The following MAPRE3 variants were observed in gnomAD, a reference collection of about 807,000 sequenced individuals.
MAPRE3 encodes the protein microtubule associated protein RP/EB family member 3, also known as microtubule-associated protein RP/EB family member 3.
A neutral mutation model predicts 30.5 loss-of-function variants in MAPRE3; 2 were observed. That is an observed-to-expected ratio of 0.07 (90% CI 0.03 to 0.21). The LOEUF is 0.21. MAPRE3 is among the 10% of genes least tolerant of loss of function. The probability of loss-of-function intolerance (pLI) is 1.00; values close to 1 mark genes in which losing one functional copy is unlikely to be tolerated. For synonymous variants in MAPRE3, 110 were observed against 127.7 expected (o/e 0.86, Z 0.93); for missense variants, 204 against 351.8 (o/e 0.58, Z 3.36).
chr2:27,007,772 C>T (rs898476626), intron 1 of MAPRE3, among the ~76,000 whole-genome samples: 3 of 152,110 alleles, frequency 2.0e-5, no homozygotes, highest in African/African-American at 7.2e-5. Context: ...CTATTTTGAT[C>T]TAAAGGAATA....
intron 1 of MAPRE3, among the ~76,000 whole-genome samples, chr2:26,984,528 G>A (rs2148200701): frequency 6.6e-6 from 1 of 152,312 alleles, no homozygotes; most frequent in South Asian, 2.1e-4. Context: ...GTGGCACCAG[G>A]GGGTGGTTTG....
intron 1 of MAPRE3, among the ~76,000 whole-genome samples, chr2:26,972,205 G>T (rs187508076): frequency 6.7e-4 from 102 of 152,278 alleles, no homozygotes; most frequent in South Asian, 5.4e-3. Context: ...CGCACAAGAG[G>T]CTTTGGGATT....
rs1189997691 is a variant in MAPRE3 at position 26,986,753 on chromosome 2, C to G, written c.-8+15951C>G. The G allele has an allele frequency of 6.6e-6, 1 of 152,222 alleles. No homozygotes were observed. Among genetic ancestry groups the G allele is most frequent in the African/African-American group, 2.4e-5 (1 of 41,408 alleles). The allele number at this position is 152,222 out of a possible 1,614,324, so 9.4% of individuals were successfully genotyped here. On this transcript the variant is annotated intron_variant, in intron 1 of 6. Coordinates refer to ENST00000233121, the MANE Select transcript of MAPRE3 (RefSeq NM_012326.4). This position sits in a 1 kb window ranked among gnomAD's most constrained non-coding sequence, Gnocchi z 4.2. ...CAGCCATCAATCATAGCACTGGTGC[C>G]TGTGGAGACACCGGCCACTGGAGAA...
chr2:27,003,730 A>G (rs569515565), intron 1 of MAPRE3, among the ~76,000 whole-genome samples: 53 of 152,296 alleles, frequency 3.5e-4, no homozygotes, highest in East Asian at 7.7e-4. Flanking sequence ...TATGGCATCC[A>G]CAAAATCAGT....
intron 2 of MAPRE3, among the ~76,000 whole-genome samples, chr2:27,023,126 C>T (rs1667146083): frequency 6.6e-6 from 1 of 152,212 alleles, no homozygotes; most frequent in Non-Finnish European, 1.5e-5. Flanking sequence ...TGGTGTGGTG[C>T]TGGTTCATAA....
At chr2:26,990,359 C>T (rs947478113) in intron 1 of MAPRE3, among the ~76,000 whole-genome samples, 4 of 152,188 alleles carry the variant, frequency 2.6e-5, no homozygotes, top group African/African-American at 9.7e-5. Flanking sequence ...GCATCAGAAG[C>T]ATCATCTTTT....
At chr2:27,004,488 G>A (rs1666677181) in intron 1 of MAPRE3, among the ~76,000 whole-genome samples, 5 of 151,908 alleles carry the variant, frequency 3.3e-5, no homozygotes, top group Admixed American at 3.3e-4. Flanking sequence ...TGGTTCTCTG[G>A]TGATGTGAAT....
intron 4 of MAPRE3, 82 bp downstream of exon 4, chr2:27,024,379 G>GC (rs1283706674): frequency 2.4e-6 from 3 of 1,254,116 alleles, no homozygotes; most frequent in Admixed American, 2.7e-5. Flanking sequence ...CTGGGCCACG[G>GC]CCCGGCCCTG....
intron 1 of MAPRE3, among the ~76,000 whole-genome samples, chr2:27,016,440 A>C (rs1666987722): frequency 6.9e-6 from 1 of 144,114 alleles, no homozygotes; most frequent in Non-Finnish European, 1.5e-5. Context: ...GCTGGAGTGC[A>C]GTGGCGCTAT....
Position 27,026,417 on chromosome 2 carries a change from T to C in MAPRE3, c.*69T>C, listed in dbSNP as rs1289279222. 9.0e-6 allele frequency: 12 copies of C among 1,326,990 alleles called. No homozygotes were observed. Among genetic ancestry groups the C allele is most frequent in the Middle Eastern group, 1.8e-4 (1 of 5,412 alleles). 82.2% of individuals were successfully genotyped at this position (1,326,990 alleles called of 1,614,324 possible). A position where few individuals can be genotyped will look rare whatever the true frequency, so the allele number is the denominator to read the frequency against. On this transcript the variant is annotated 3_prime_UTR_variant, in exon 7 of 7. Transcript: ENST00000233121. ...CCCTCCCTGCTCCACTCCCACATTA[T>C]AGTCCTTTCCTAACACGGTCGGCCG... is the stretch of plus-strand genomic sequence containing the variant.
At chr2:27,017,574 G>A (rs1667017214) in intron 1 of MAPRE3, among the ~76,000 whole-genome samples, 1 of 152,154 alleles carries the variant, frequency 6.6e-6, no homozygotes, top group Non-Finnish European at 1.5e-5. Context: ...AGCCCTAAAA[G>A]CAAGGCCTTT....
intron 1 of MAPRE3, among the ~76,000 whole-genome samples, chr2:26,999,488 CTTTTTTTTTTT>C (rs531651199): frequency 2.5e-5 from 2 of 79,004 alleles, no homozygotes; most frequent in African/African-American, 5.3e-5. Context: ...TTCCTTCTTT[CTTTTTTTTTTT>C]TTTTTTTTTT....
At chr2:27,003,281 G>A (rs1666644613) in intron 1 of MAPRE3, among the ~76,000 whole-genome samples, 1 of 152,078 alleles carries the variant, frequency 6.6e-6, no homozygotes, top group African/African-American at 2.4e-5. Context: ...AGATAGTCAC[G>A]AGTAAACAAA....
At position 26,985,747 on chromosome 2, in the gene MAPRE3, G is replaced by A. The variant is rs908939729; in HGVS notation, c.-8+14945G>A. On this transcript the variant is annotated intron_variant, in intron 1 of 6. Coordinates refer to ENST00000233121, the MANE Select transcript of MAPRE3 (RefSeq NM_012326.4). The surrounding 1 kb of genome is among the most constrained non-coding windows in gnomAD (Gnocchi z 4.2). ...TTAAGTTAAGGATCTTGAGAGAGAG[G>A]TTTATCCTGGATTATCTGGGTGGGC... Among the ~76,000 whole-genome samples the A allele has an allele frequency of 6.6e-6, 1 of 152,106 alleles. No homozygotes were observed. Among genetic ancestry groups the A allele is most frequent in the Non-Finnish European group, 1.5e-5 (1 of 68,020 alleles).
At chr2:27,024,060 GTGGC>G in intron 3 of MAPRE3, 32 bp from the exon 4 acceptor site, 2 of 1,539,980 alleles carry the variant, frequency 1.3e-6, no homozygotes, top group East Asian at 4.5e-5. Flanking sequence ...ACAGCAGCAG[GTGGC>G]TAAAGTACTC....
intron 1 of MAPRE3, among the ~76,000 whole-genome samples, chr2:27,011,170 A>T (rs1390540226): frequency 1.3e-5 from 2 of 151,952 alleles, no homozygotes; most frequent in Admixed American, 6.6e-5. Context: ...CTCTTTTTTT[A>T]AAATAAAAGT....
intron 1 of MAPRE3, among the ~76,000 whole-genome samples, chr2:27,004,072 C>T (rs753363264): frequency 7.9e-5 from 12 of 152,160 alleles, no homozygotes; most frequent in South Asian, 2.1e-4. Context: ...TCTGTGCCCA[C>T]GAGCCATACA....
chr2:27,000,314 C>T (rs957188158), intron 1 of MAPRE3, among the ~76,000 whole-genome samples: 1 of 152,100 alleles, frequency 6.6e-6, no homozygotes, highest in Non-Finnish European at 1.5e-5. Flanking sequence ...GGACTCACCG[C>T]GGAGCAAAGG....
chr2:27,020,648 G>A (rs1044868331), intron 1 of MAPRE3, among the ~76,000 whole-genome samples: 1 of 152,220 alleles, frequency 6.6e-6, no homozygotes, highest in Admixed American at 6.5e-5. Flanking sequence ...TTAAACATCT[G>A]AACTTTAAAA....
Sources: allele counts gnomAD v4.1 joint callset (sites outside exome capture counted in the v4.1 genomes callset), GRCh38; gene constraint gnomAD v4.1.1; non-coding constraint Gnocchi (gnomAD v3.1); transcripts MANE v1.5; gene names NCBI Gene and HGNC (gene_info 2026-07-23, HGNC 2026-07-21).